The following FBXL17 variants were observed in gnomAD, a reference collection of about 807,000 sequenced individuals.
The protein encoded by FBXL17 is F-box/LRR-repeat protein 17.
FBXL17 carries 22 observed loss-of-function variants against 66.2 expected under a neutral mutation model. That is an observed-to-expected ratio of 0.33 (90% CI 0.24 to 0.47). The LOEUF (loss-of-function observed/expected upper bound fraction) is 0.47, where lower values mean the gene tolerates loss of function less well. Among genes scored for constraint, FBXL17 ranks in the 20% least tolerant of loss-of-function variants. The pLI is 1.00. For synonymous variants in FBXL17, 474 were observed against 400.5 expected (o/e 1.18, Z -2.19); for missense variants, 878 against 948.2 (o/e 0.93, Z 0.97).
chr5:108,117,041 CTT>C (rs1383422107), intron 6 of FBXL17, among the ~76,000 whole-genome samples: 1 of 152,154 alleles, frequency 6.6e-6, no homozygotes, highest in African/African-American at 2.4e-5. Context: ...GGGAAATCGA[CTT>C]AAGGCTTGTA....
chr5:108,093,697 G>A (rs530668687), intron 6 of FBXL17, among the ~76,000 whole-genome samples: 35 of 152,058 alleles, frequency 2.3e-4, no homozygotes, highest in African/African-American at 7.5e-4. Flanking sequence ...CATTTATATC[G>A]GCAAAGATTA....
chr5:108,262,604 T>A (rs139474014), intron 4 of FBXL17, among the ~76,000 whole-genome samples: 4 of 152,054 alleles, frequency 2.6e-5, no homozygotes, highest in African/African-American at 9.6e-5. Context: ...ATAGGAAGAG[T>A]GTAAAACTAT....
At chr5:108,309,888 C>T (rs1561521402) in intron 4 of FBXL17, among the ~76,000 whole-genome samples, 1 of 151,908 alleles carries the variant, frequency 6.6e-6, no homozygotes, top group Non-Finnish European at 1.5e-5. Flanking sequence ...GATTCTCTAC[C>T]CCTCATCTAC....
At chr5:108,188,543 A>G (rs1200252689) in intron 5 of FBXL17, among the ~76,000 whole-genome samples, 3 of 152,216 alleles carry the variant, frequency 2.0e-5, no homozygotes, top group African/African-American at 4.8e-5. Context: ...TTCCTATTCA[A>G]TAACCACAGG....
chr5:108,341,595 T>C (rs778290192), intron 4 of FBXL17, among the ~76,000 whole-genome samples: 1 of 152,194 alleles, frequency 6.6e-6, no homozygotes, highest in Non-Finnish European at 1.5e-5. Context: ...AATTAAAATC[T>C]GATCACATTT....
chr5:107,969,048 A>G (rs1422284690), intron 7 of FBXL17, among the ~76,000 whole-genome samples: 1 of 152,130 alleles, frequency 6.6e-6, no homozygotes, highest in Non-Finnish European at 1.5e-5. Flanking sequence ...TTTGATGACA[A>G]AGTTTTACTG....
chr5:108,333,408 T>G (rs1561534923), intron 4 of FBXL17, among the ~76,000 whole-genome samples: 3 of 152,188 alleles, frequency 2.0e-5, no homozygotes, highest in South Asian at 4.1e-4. Flanking sequence ...ACTTTTAAAA[T>G]GCTAAAGTGC....
chr5:108,111,033 G>A (rs374361350), intron 6 of FBXL17, among the ~76,000 whole-genome samples: 1 of 152,068 alleles, frequency 6.6e-6, no homozygotes, highest in Non-Finnish European at 1.5e-5. Flanking sequence ...AACAAGTGCT[G>A]GCCTGACCCC....
At chr5:108,021,657 T>G (rs1754608251) in intron 6 of FBXL17, among the ~76,000 whole-genome samples, 1 of 151,792 alleles carries the variant, frequency 6.6e-6, no homozygotes, top group African/African-American at 2.4e-5. Context: ...GTTTCATTTT[T>G]TTTTAATGGT....
intron 4 of FBXL17, among the ~76,000 whole-genome samples, chr5:108,289,129 T>C (rs760747719): frequency 2.6e-5 from 4 of 152,098 alleles, no homozygotes; most frequent in Admixed American, 6.6e-5. Context: ...AGCTTTCTCG[T>C]GCAAAATACA....
At chr5:108,108,915 C>G (rs778489031) in intron 6 of FBXL17, among the ~76,000 whole-genome samples, 65 of 151,938 alleles carry the variant, frequency 4.3e-4, no homozygotes, top group Middle Eastern at 3.4e-3. Flanking sequence ...TCCTGAGTAG[C>G]TGGGATTACA....
At chr5:107,936,802 G>A (rs541151196) in intron 7 of FBXL17, among the ~76,000 whole-genome samples, 19 of 152,136 alleles carry the variant, frequency 1.2e-4, no homozygotes, top group African/African-American at 4.6e-4. Flanking sequence ...GAGGCTGGGT[G>A]GCAAGACGAC....
intron 6 of FBXL17, among the ~76,000 whole-genome samples, chr5:108,024,923 CAT>C (rs1239724718): frequency 1.3e-5 from 2 of 151,936 alleles, no homozygotes; most frequent in Admixed American, 1.3e-4. Flanking sequence ...GATTCGTAAT[CAT>C]ATGATTTATG....
At chr5:108,219,531 CA>C (rs1351561742) in intron 5 of FBXL17, among the ~76,000 whole-genome samples, 1 of 151,780 alleles carries the variant, frequency 6.6e-6, no homozygotes, top group African/African-American at 2.4e-5. Context: ...ATTAAAAATA[CA>C]AAAAATTAGC....
chr5:108,380,381 T>C (rs1056198690), intron 1 of FBXL17, among the ~76,000 whole-genome samples: 1 of 152,204 alleles, frequency 6.6e-6, no homozygotes, highest in African/African-American at 2.4e-5. Context: ...AATTCCTCGA[T>C]TAAAAAATTT....
chr5:107,964,217 C>T (rs748723701), intron 7 of FBXL17, among the ~76,000 whole-genome samples: 17 of 152,106 alleles, frequency 1.1e-4, no homozygotes, highest in Non-Finnish European at 2.5e-4. Flanking sequence ...ATAATTTTGC[C>T]CAAAGAGATC....
At chr5:108,129,707 G>T (rs1006915508) in intron 6 of FBXL17, among the ~76,000 whole-genome samples, 2 of 151,926 alleles carry the variant, frequency 1.3e-5, no homozygotes, top group Admixed American at 1.3e-4. Flanking sequence ...ATTCCTTATA[G>T]CAGTAATTCA....
At position 108,274,514 on chromosome 5, in the gene FBXL17, C is replaced by T. The variant is rs531684827; in HGVS notation, c.1507-50286G>A. On this transcript the variant is annotated intron_variant, in intron 4 of 8. Coordinates refer to ENST00000542267, the MANE Select transcript of FBXL17 (RefSeq NM_001163315.3). ...TTCAAGGTGCCCAAATTTCATATTACTCAAACACACATGCTGTACAATTTG... is the reference window on the plus strand; with the variant it reads ...TTCAAGGTGCCCAAATTTCATATTATTCAAACACACATGCTGTACAATTTG... Among the ~76,000 whole-genome samples, 7 of 152,228 alleles carry T rather than the reference C, an allele frequency of 4.6e-5. No homozygotes were observed. The South Asian group carries it at 1.5e-3, about 32-fold the overall frequency.
intron 7 of FBXL17, among the ~76,000 whole-genome samples, chr5:108,016,008 A>G (rs963332990): frequency 6.6e-6 from 1 of 152,204 alleles, no homozygotes; most frequent in African/African-American, 2.4e-5. Flanking sequence ...ATCTGTATGT[A>G]GTACATGGCC....
Sources: allele counts gnomAD v4.1 joint callset (sites outside exome capture counted in the v4.1 genomes callset), GRCh38; gene constraint gnomAD v4.1.1; transcripts MANE v1.5; gene names NCBI Gene and HGNC (gene_info 2026-07-23, HGNC 2026-07-21).